Variants in ASB11 observed in about 807,000 individuals in gnomAD.
ASB11 encodes ankyrin repeat and SOCS box containing 11, also known as ankyrin repeat and SOCS box protein 11.
Under a neutral mutation model 20.1 loss-of-function variants are expected in ASB11, and 17 were observed. That is an observed-to-expected ratio of 0.85 (90% confidence interval 0.58 to 1.27). The LOEUF is 1.27. Among genes scored for constraint, ASB11 ranks in the 50% most tolerant of loss-of-function variants. The pLI, the probability that ASB11 is intolerant of heterozygous loss-of-function variation, is 0.00. For synonymous variants in ASB11, 107 were observed against 105.6 expected (o/e 1.01, Z -0.08); for missense variants, 259 against 256.9 (o/e 1.01, Z -0.06).
intron 1 of ASB11, among the ~76,000 whole-genome samples, chrX:15,311,630 C>G (rs1395919281): frequency 9.0e-6 from 1 of 111,261 alleles, no homozygotes; most frequent in Non-Finnish European, 1.9e-5. Flanking sequence ...TAGAATAGGA[C>G]TGATCTTTTA....
chrX:15,291,363 C>T (rs1195176252), intron 4 of ASB11, among the ~76,000 whole-genome samples: 3 of 111,928 alleles, frequency 2.7e-5, no homozygotes, highest in Non-Finnish European at 5.6e-5. Flanking sequence ...AATTTTTAAA[C>T]ATTTGTATGG....
At position 15,314,663 on chromosome X, in the gene ASB11, C is replaced by G. The variant is rs1457826336; in HGVS notation, c.181+762G>C. ...TGTAATCCTGGAACCCCTGCAAACA[C>G]TAAAAATACACGGGGAAATTCTGAA... is the stretch of plus-strand genomic sequence containing the variant. On this transcript the variant is annotated intron_variant, in intron 1 of 6. Transcript: ENST00000480796. 8.4e-6 allele frequency: 5 copies of G among 596,015 alleles called. No homozygotes were observed. The Admixed American group carries it at 2.5e-4, about 30-fold the overall frequency. 49.1% of individuals were successfully genotyped at this position (596,015 alleles called of 1,213,427 possible). A position where few individuals can be genotyped will look rare whatever the true frequency, so the allele number is the denominator to read the frequency against.
At chrX:15,285,985 A>G (rs1927375030) in intron 6 of ASB11, among the ~76,000 whole-genome samples, 1 of 110,269 alleles carries the variant, frequency 9.1e-6, no homozygotes, top group South Asian at 3.9e-4. Context: ...AGCCTGGGCA[A>G]CAAGAGCAAA....
At chrX:15,307,749 G>A (rs1053496435) in intron 1 of ASB11, among the ~76,000 whole-genome samples, 1 of 112,004 alleles carries the variant, frequency 8.9e-6, no homozygotes, top group Non-Finnish European at 1.9e-5. Context: ...AAGAGGGCAT[G>A]GTGGGGGCCA....
intron 1 of ASB11, among the ~76,000 whole-genome samples, chrX:15,311,660 CT>C (rs34332247): frequency 0.018 from 1,921 of 104,616 alleles, 35 homozygotes; most frequent in African/African-American, 0.054. Flanking sequence ...TAAAATAGCC[CT>C]TTTTTTTTTT....
intron 6 of ASB11, 62 bp downstream of exon 6, chrX:15,287,819 T>G: frequency 2.0e-5 from 22 of 1,110,617 alleles, no homozygotes; most frequent in Non-Finnish European, 2.6e-5. Flanking sequence ...ATGCTACAGA[T>G]GAGACAGGAA....
At chrX:15,301,578 G>C (rs1921071218) in intron 2 of ASB11, among the ~76,000 whole-genome samples, 1 of 111,528 alleles carries the variant, frequency 9.0e-6, no homozygotes, top group African/African-American at 3.3e-5. Flanking sequence ...TGCACCCAGT[G>C]GTTTAAATTC....
At chrX:15,293,036 G>T in intron 4 of ASB11, 134 bp downstream of exon 4, 1 of 854,087 alleles carries the variant, frequency 1.2e-6, no homozygotes, top group Non-Finnish European at 1.6e-6. Context: ...ACTGCTGTGG[G>T]ATTTCTAGGC....
At chrX:15,308,783 C>T (rs1171412082) in intron 1 of ASB11, among the ~76,000 whole-genome samples, 1 of 111,573 alleles carries the variant, frequency 9.0e-6, no homozygotes, top group Non-Finnish European at 1.9e-5. Flanking sequence ...GGTAGATTGA[C>T]TTGTCTTGGG....
Position 15,315,415 on chromosome X carries a change from GTACT to G in ASB11, c.181+6_181+9del. 12 of 1,070,141 alleles carry G rather than the reference GTACT, an allele frequency of 1.1e-5. No homozygotes were observed. The highest frequency in any genetic ancestry group is 1.5e-5 in the Non-Finnish European group (12 of 822,005). The allele number at this position is 1,070,141 out of a possible 1,213,427, so 88.2% of individuals were successfully genotyped here. ...CTTTAAATATTAGGAACAAATTCAT[GTACT>G]TTTACCTGAAATTCCACCATAGATC... On this transcript the variant is annotated splice_donor_region_variant and intron_variant, in intron 1 of 6. Transcript: ENST00000480796.
chrX:15,304,790 G>A (rs897077741), intron 1 of ASB11, among the ~76,000 whole-genome samples: 5 of 111,761 alleles, frequency 4.5e-5, no homozygotes, highest in South Asian at 3.7e-4. Context: ...CAGAAGAATC[G>A]CTTGAACCCG....
intron 1 of ASB11, 113 bp from the exon 2 acceptor site, chrX:15,302,920 G>A (rs1921119991): frequency 1.6e-6 from 1 of 635,096 alleles, no homozygotes; most frequent in South Asian, 2.7e-5. Flanking sequence ...GAAGAGGAGG[G>A]AAGCAGGTAT....
Position 15,293,155 on chromosome X carries a change from T to G in ASB11, c.520+15A>C. On this transcript the variant is annotated intron_variant, in intron 4 of 6. Transcript: ENST00000480796. ...GCCCATCAATGTTTCACATGCATTG[T>G]GGTGGCTCATTTACCTCTCTTCACT... is the stretch of plus-strand genomic sequence containing the variant. 8.3e-7 allele frequency: 1 copy of G among 1,204,731 alleles called. No homozygotes were observed. The highest frequency in any genetic ancestry group is 1.1e-6 in the Non-Finnish European group (1 of 892,096).
intron 1 of ASB11, among the ~76,000 whole-genome samples, chrX:15,309,975 A>AAAAAAAAAAAAAAAC (rs1921375853): frequency 9.7e-6 from 1 of 102,628 alleles, no homozygotes. Context: ...CTCAAAAAAA[A>AAAAAAAAAAAAAAAC]AAAAAAAAAA....
At chrX:15,293,661 C>T (rs1043096417) in intron 3 of ASB11, among the ~76,000 whole-genome samples, 2 of 111,489 alleles carry the variant, frequency 1.8e-5, no homozygotes, top group African/African-American at 6.5e-5. Flanking sequence ...TTACAAAATC[C>T]TTGGCAATTC....
intron 2 of ASB11, among the ~76,000 whole-genome samples, chrX:15,301,459 A>G (rs1921063379): frequency 9.0e-6 from 1 of 111,619 alleles, no homozygotes; most frequent in Non-Finnish European, 1.9e-5. Context: ...CACAACTCAT[A>G]AAGGAGAAAT....
intron 6 of ASB11, among the ~76,000 whole-genome samples, chrX:15,285,962 G>A (rs760845623): frequency 8.2e-5 from 9 of 110,181 alleles, no homozygotes; most frequent in East Asian, 5.7e-4. Context: ...CCGAGATCAC[G>A]CCACTGCACT....
chrX:15,295,895 T>C (rs141713387), intron 3 of ASB11, among the ~76,000 whole-genome samples: 1,210 of 111,818 alleles, frequency 0.011, 22 homozygotes, highest in African/African-American at 0.037. Context: ...TCCTTCATCA[T>C]TACCCATGAG....
At chrX:15,297,431 G>A (rs1920977489) in intron 3 of ASB11, 143 bp downstream of exon 3, 1 of 412,649 alleles carries the variant, frequency 2.4e-6, no homozygotes, top group African/African-American at 2.6e-5. Context: ...GAGAGGAGTA[G>A]CCTAAATGAT....
Sources: allele counts gnomAD v4.1 joint callset (sites outside exome capture counted in the v4.1 genomes callset), GRCh38; gene constraint gnomAD v4.1.1; transcripts MANE v1.5; gene names NCBI Gene and HGNC (gene_info 2026-07-23, HGNC 2026-07-21).